The following HTRA2 variants were observed in gnomAD, a reference collection of about 807,000 sequenced individuals.
The protein encoded by HTRA2 is HtrA serine peptidase 2.
HTRA2 carries 24 observed loss-of-function variants against 42.2 expected under a neutral mutation model. That is an observed-to-expected ratio of 0.57 (90% confidence interval 0.41 to 0.80). The LOEUF (loss-of-function observed/expected upper bound fraction) is 0.80, where lower values mean the gene tolerates loss of function less well. Ranked by LOEUF, HTRA2 falls within the 30% of genes least tolerant of loss-of-function variation. The pLI is 0.00. For missense variants in HTRA2, 466 were observed against 613.5 expected (o/e 0.76, Z 2.54); for synonymous variants, 245 against 255.8 (o/e 0.96, Z 0.40).
intron 6 of HTRA2, 146 bp downstream of exon 6, chr2:74,532,071 A>C: frequency 1.2e-6 from 1 of 831,770 alleles, no homozygotes; most frequent in South Asian, 1.5e-5. Flanking sequence ...TCCCTTCATC[A>C]TCTTGACTTT....
intron 3 of HTRA2, 44 bp downstream of exon 3, chr2:74,531,149 G>A: frequency 6.2e-7 from 1 of 1,601,972 alleles, no homozygotes; most frequent in Non-Finnish European, 8.6e-7. Context: ...GGGGGAGGGG[G>A]GAGAGGCTGT....
At chr2:74,532,011 C>G in intron 6 of HTRA2, 86 bp downstream of exon 6, 1 of 1,252,900 alleles carries the variant, frequency 8.0e-7, no homozygotes, top group Non-Finnish European at 1.2e-6. Context: ...TCATTTCTGT[C>G]TTTATCTAAG....
chr2:74,532,778 CT>C lies in HTRA2; in HGVS notation c.1212-39del, dbSNP rs761532462. On this transcript the variant is annotated intron_variant, in intron 7 of 7. Transcript: ENST00000258080. ...GGTGTGCATGTGTCCTTGAACTAGGCTTTGTACTCCTTCCTTTCTCTCTGTC... is the reference window on the plus strand; with the variant it reads ...GGTGTGCATGTGTCCTTGAACTAGGCTTGTACTCCTTCCTTTCTCTCTGTC... 3 of 1,613,516 alleles carry C rather than the reference CT, an allele frequency of 1.9e-6. No homozygotes were observed. The Admixed American group carries it at 5.0e-5, about 27-fold the overall frequency.
Position 74,530,053 on chromosome 2 carries a change from C to T in HTRA2, c.47C>T (p.Ala16Val). 1 of 1,583,188 alleles carries T rather than the reference C, an allele frequency of 6.3e-7. No homozygotes were observed. The highest frequency in any genetic ancestry group is 8.6e-7 in the Non-Finnish European group (1 of 1,158,882). The change falls in exon 1 of 8, where the codon GCA becomes GTA. Residue 16 changes from alanine (A) to valine (V), a missense_variant. Coordinates refer to ENST00000258080, the MANE Select transcript of HTRA2 (RefSeq NM_013247.5). This position sits in a 1 kb window ranked among gnomAD's most constrained non-coding sequence, Gnocchi z 7.4. ...AGRGAGWSLR[A>V]WRALGGIRWG... Reference sequence around the variant, plus strand: ...CGGGGTGCAGGCTGGAGCCTTCGGGCATGGCGGGCTTTGGGGGGCATTCGC... The same window carrying T: ...CGGGGTGCAGGCTGGAGCCTTCGGGTATGGCGGGCTTTGGGGGGCATTCGC...
chr2:74,529,888 G>T (rs1675456570), upstream of HTRA2: 4 of 1,440,744 alleles, frequency 2.8e-6, no homozygotes, highest in Non-Finnish European at 3.6e-6. Context: ...TCCTGGTCCC[G>T]GCGTGCACTT....
In HTRA2 at chr2:74,531,122, G is replaced by C. The variant is rs1165491957; in HGVS notation, c.906+17G>C. 1 of 1,613,434 alleles carries C rather than the reference G, an allele frequency of 6.2e-7. No individual in the cohort carries two copies. The highest frequency in any genetic ancestry group is 1.3e-5 in the African/African-American group (1 of 74,920). ...GCTATTGATGTGCGTCCTGATAGGA[G>C]AGAAATGACAAATGATGGGGGAGGG... On this transcript the variant is annotated intron_variant, in intron 3 of 7. Coordinates refer to ENST00000258080, the MANE Select transcript of HTRA2 (RefSeq NM_013247.5).
chr2:74,530,832 G>C lies in HTRA2; in HGVS notation c.711+11G>C, dbSNP rs1490882116. 1.2e-6 allele frequency: 2 copies of C among 1,614,166 alleles called. No homozygotes were observed. Among genetic ancestry groups the C allele is most frequent in the South Asian group, 2.2e-5 (2 of 91,082 alleles). Reference sequence around the variant, plus strand: ...AGGATTCAGACTAAGGTGGGGGCTGGGGTAGGCCAGGTCTGGTTGGAGCTG... The same window carrying C: ...AGGATTCAGACTAAGGTGGGGGCTGCGGTAGGCCAGGTCTGGTTGGAGCTG... On this transcript the variant is annotated intron_variant, in intron 2 of 7. Transcript: ENST00000258080. The surrounding 1 kb of genome is among the most constrained non-coding windows in gnomAD (Gnocchi z 7.4).
At chr2:74,532,343 C>A (rs1675671467) in intron 6 of HTRA2, 2 of 496,526 alleles carry the variant, frequency 4.0e-6, no homozygotes, top group South Asian at 4.1e-5. Flanking sequence ...AACTTAAGTT[C>A]TTTCCCCTTA....
chr2:74,529,450 C>G (rs1675400714), upstream of HTRA2: 2 of 1,568,332 alleles, frequency 1.3e-6, no homozygotes, highest in Non-Finnish European at 1.7e-6. Context: ...CAGAACCCGA[C>G]TGGCGCGTAG....
upstream of HTRA2, chr2:74,529,475 C>G (rs777467471): frequency 3.9e-6 from 6 of 1,556,110 alleles, no homozygotes; most frequent in South Asian, 7.1e-5. Flanking sequence ...GCAGCACGAG[C>G]AGTAGGAAGC....
chr2:74,531,476 T>G, intron 4 of HTRA2, 105 bp downstream of exon 4: 1 of 1,608,284 alleles, frequency 6.2e-7, no homozygotes, highest in African/African-American at 1.3e-5. Context: ...TGAGCAGTTC[T>G]TTGTTGGCTA....
At position 74,530,856 on chromosome 2, in the gene HTRA2, T is replaced by A; in HGVS notation, c.711+35T>A. ...GGGGTAGGCCAGGTCTGGTTGGAGC[T>A]GCTTATTTGCTCGCATCTTCAGATG... On this transcript the variant is annotated intron_variant, in intron 2 of 7. Transcript: ENST00000258080. The surrounding 1 kb of genome is among the most constrained non-coding windows in gnomAD (Gnocchi z 7.4). 1.2e-6 allele frequency: 2 copies of A among 1,614,136 alleles called. No homozygotes were observed. The highest frequency in any genetic ancestry group is 1.7e-6 in the Non-Finnish European group (2 of 1,180,014).
intron 7 of HTRA2, 25 bp downstream of exon 7, chr2:74,532,739 A>G (rs545012615): frequency 6.2e-7 from 1 of 1,612,420 alleles, no homozygotes; most frequent in African/African-American, 1.3e-5. Flanking sequence ...GCAGTGTGAT[A>G]TGGGGATGGG....
Position 74,532,943 on chromosome 2 carries a change from A to G in HTRA2, c.1335A>G (p.Arg445=). Residue 445 remains arginine, a synonymous_variant, in exon 8 of 8, where the codon CGA becomes CGG. Coordinates refer to ENST00000258080, the MANE Select transcript of HTRA2 (RefSeq NM_013247.5). ...TGGCAGTGCAGATCCGGCGGGGACG[A>G]GAAACACTGACCTTATATGTGACCC... The part of the protein sequence containing the change: ...SQLAVQIRRG[R]ETLTLYVTPE... The G allele has an allele frequency of 6.2e-7, 1 of 1,613,950 alleles. No individual in the cohort carries two copies. The highest frequency in any genetic ancestry group is 1.6e-4 in the Middle Eastern group (1 of 6,062).
chr2:74,529,406 G>A, upstream of HTRA2: 1 of 1,600,248 alleles, frequency 6.2e-7, no homozygotes, highest in South Asian at 1.1e-5. Flanking sequence ...CCAGGAAGAC[G>A]TGGATCCCGA....
chr2:74,531,431 G>A, intron 4 of HTRA2, 60 bp downstream of exon 4: 1 of 1,606,086 alleles, frequency 6.2e-7, no homozygotes, highest in South Asian at 1.1e-5. Context: ...GGAAGGGTAG[G>A]TTTCCCCTAA....
chr2:74,532,032 T>C, intron 6 of HTRA2, 107 bp downstream of exon 6: 1 of 1,076,630 alleles, frequency 9.3e-7, no homozygotes, highest in Non-Finnish European at 1.4e-6. Context: ...ATGAACTGTG[T>C]CACACTTGAA....
At chr2:74,529,456 C>A (rs370173846), upstream of HTRA2, 174 of 1,564,938 alleles carry the variant, frequency 1.1e-4, no homozygotes, top group Middle Eastern at 3.3e-4. Flanking sequence ...CCGACTGGCG[C>A]GTAGAGCAGC....
Position 74,530,846 on chromosome 2 carries a change from T to C in HTRA2, c.711+25T>C. 1 of 1,614,188 alleles carries C rather than the reference T, an allele frequency of 6.2e-7. No individual in the cohort carries two copies. The highest frequency in any genetic ancestry group is 8.5e-7 in the Non-Finnish European group (1 of 1,180,036). On this transcript the variant is annotated intron_variant, in intron 2 of 7. Transcript: ENST00000258080. The surrounding 1 kb of genome is among the most constrained non-coding windows in gnomAD (Gnocchi z 7.4). ...GGTGGGGGCTGGGGTAGGCCAGGTC[T>C]GGTTGGAGCTGCTTATTTGCTCGCA...
Sources: gnomAD v4.1 joint callset for allele counts on GRCh38, gnomAD v4.1.1 for gene constraint, Gnocchi (gnomAD v3.1) non-coding constraint, MANE v1.5 for transcripts, NCBI Gene and HGNC (gene_info 2026-07-23, HGNC 2026-07-21) for gene names.